Variants in ABHD16A observed in about 807,000 individuals in gnomAD.
ABHD16A encodes phosphatidylserine lipase ABHD16A.
Under a neutral mutation model 89.8 loss-of-function variants are expected in ABHD16A, and 47 were observed. The observed-to-expected ratio is 0.52, with a 90% CI of 0.41 to 0.67. The LOEUF (loss-of-function observed/expected upper bound fraction) is 0.67. Among genes scored for constraint, ABHD16A ranks in the 30% least tolerant of loss-of-function variants. The pLI is 0.00. For synonymous variants in ABHD16A, 251 were observed against 280.4 expected (o/e 0.90, Z 1.05); for missense variants, 580 against 734.6 (o/e 0.79, Z 2.43).
chr6:31,702,126 G>C lies in ABHD16A; in HGVS notation c.137C>G (p.Thr46Arg), dbSNP rs551585963. The change falls in exon 2 of 20, where the codon ACG becomes AGG. Residue 46 changes from threonine (T) to arginine (R), a missense_variant. Physicochemically the swap from Thr to Arg is moderately conservative, Grantham distance 71 (BLOSUM62 -1). Transcript: ENST00000395952. ...CTCCAGGGCACGGGGCTGATAGTAC[G>C]TATCCTGCCAAAACAGATGGCCTCC... ...VTAPHSSSWD[T>R]YYQPRALEKH... is the part of the protein sequence containing the mutation. 5 of 1,613,092 alleles carry C rather than the reference G, an allele frequency of 3.1e-6. No individual in the cohort carries two copies. In the South Asian group the frequency reaches 5.5e-5, roughly 18 times the overall value.
chr6:31,690,321 G>T lies in ABHD16A; in HGVS notation c.908-194C>A. On this transcript the variant is annotated intron_variant, in intron 10 of 19. Coordinates refer to ENST00000395952, the MANE Select transcript of ABHD16A (RefSeq NM_021160.3). The surrounding 1 kb of genome is among the most constrained non-coding windows in gnomAD (Gnocchi z 4.1). Reference sequence around the variant, plus strand: ...TGTGATTGTGTGGGGTGTGTGGTGGGGGAATGGAACAGAATGAAAAGCATA... The same window carrying T: ...TGTGATTGTGTGGGGTGTGTGGTGGTGGAATGGAACAGAATGAAAAGCATA... 1.5e-6 allele frequency: 1 copy of T among 678,838 alleles called. No individual in the cohort carries two copies. The highest frequency in any genetic ancestry group is 1.9e-5 in the South Asian group (1 of 53,116). 42.1% of individuals were successfully genotyped at this position (678,838 alleles called of 1,614,324 possible). A position where few individuals can be genotyped will look rare whatever the true frequency, so the allele number is the denominator to read the frequency against.
chr6:31,699,189 G>A (rs926286698), intron 4 of ABHD16A, among the ~76,000 whole-genome samples: 4 of 151,682 alleles, frequency 2.6e-5, no homozygotes, highest in African/African-American at 9.7e-5. Flanking sequence ...GGTGGATCAC[G>A]AGGTCAGGAG....
At position 31,691,611 on chromosome 6, in the gene ABHD16A, G is replaced by A. The variant is rs761302055; in HGVS notation, c.811C>T (p.Arg271Trp). ...TGTCCCTGGGGCTCAGCTGTCCCCC[G>A]CCGGTCCACAAACATGGTGTCAATC... The part of the protein sequence containing the change: ...NEIDTMFVDR[R>W]GTAEPQGQKL... The change falls in exon 9 of 20, where the codon CGG becomes TGG. Residue 271 changes from arginine (R) to tryptophan (W), a missense_variant. Around this residue, in one of 2 missense-constraint regions of ABHD16A, gnomAD observed 415 missense variants for 568.8 expected, o/e 0.73. Coordinates refer to ENST00000395952, the MANE Select transcript of ABHD16A (RefSeq NM_021160.3). 6.2e-7 allele frequency: 1 copy of A among 1,612,930 alleles called. No individual in the cohort carries two copies. Among genetic ancestry groups the A allele is most frequent in the South Asian group, 1.1e-5 (1 of 91,070 alleles).
chr6:31,696,903 G>C (rs1394664504), intron 5 of ABHD16A, 45 bp downstream of exon 5: 1 of 1,550,840 alleles, frequency 6.4e-7, no homozygotes, highest in African/African-American at 1.4e-5. Context: ...AACTGAGAAA[G>C]CTGCTATTGG....
At chr6:31,702,195 G>T (rs1805082155) in intron 1 of ABHD16A, 65 bp from the exon 2 acceptor site, 1 of 1,511,372 alleles carries the variant, frequency 6.6e-7, no homozygotes, top group Non-Finnish European at 9.2e-7. Context: ...TTCCCTTTCA[G>T]AAGCCCTGCT....
At chr6:31,702,475 C>A (rs978578863) in intron 1 of ABHD16A, 1 of 915,358 alleles carries the variant, frequency 1.1e-6, no homozygotes, top group Non-Finnish European at 1.6e-6. Flanking sequence ...CCTAGACAAT[C>A]TAAGAAGGAA....
In ABHD16A at chr6:31,690,213, C is replaced by A; in HGVS notation, c.908-86G>T. On this transcript the variant is annotated intron_variant, in intron 10 of 19. Transcript: ENST00000395952. This position sits in a 1 kb window ranked among gnomAD's most constrained non-coding sequence, Gnocchi z 4.1. ...GGGGGAAGGAAGAGCAGAAGTACCC[C>A]CCAGCTTAGATGCAAATAACTCCAA... The A allele has an allele frequency of 7.5e-7, 1 of 1,327,130 alleles. No individual in the cohort carries two copies. Among genetic ancestry groups the A allele is most frequent in the East Asian group, 2.4e-5 (1 of 41,830 alleles). 82.2% of individuals were successfully genotyped at this position (1,327,130 alleles called of 1,614,324 possible). A position where few individuals can be genotyped will look rare whatever the true frequency, so the allele number is the denominator to read the frequency against.
At chr6:31,700,440 A>G (rs1319502327) in intron 4 of ABHD16A, among the ~76,000 whole-genome samples, 2 of 152,172 alleles carry the variant, frequency 1.3e-5, no homozygotes, top group East Asian at 3.8e-4. Context: ...AACATATTTT[A>G]TCCATCCTAC....
intron 7 of ABHD16A, chr6:31,692,740 T>TCCCCCCC: frequency 9.3e-6 from 3 of 323,622 alleles, no homozygotes; most frequent in South Asian, 5.2e-5. Context: ...GTGTGTGTCC[T>TCCCCCCC]CCCCACCCCC....
intron 7 of ABHD16A, 70 bp downstream of exon 7, chr6:31,692,957 G>A (rs1207880166): frequency 2.5e-6 from 4 of 1,604,950 alleles, no homozygotes; most frequent in Middle Eastern, 1.7e-4. Flanking sequence ...ACAATGGAGC[G>A]CCCACTCCCA....
Position 31,687,400 on chromosome 6 carries a change from A to G in ABHD16A, c.1593+98T>C. ...CTTCCGCATCCACCACCCACTCTACAAAAGCTGCCACTTCCAATGCTTATA... is the reference window on the plus strand; with the variant it reads ...CTTCCGCATCCACCACCCACTCTACGAAAGCTGCCACTTCCAATGCTTATA... On this transcript the variant is annotated intron_variant, in intron 19 of 19. Transcript: ENST00000395952. The surrounding 1 kb of genome is among the most constrained non-coding windows in gnomAD (Gnocchi z 6.3). 6.2e-7 allele frequency: 1 copy of G among 1,605,778 alleles called. No homozygotes were observed. The highest frequency in any genetic ancestry group is 8.5e-7 in the Non-Finnish European group (1 of 1,173,632).
chr6:31,691,443 T>C, intron 9 of ABHD16A, 136 bp downstream of exon 9: 1 of 720,640 alleles, frequency 1.4e-6, no homozygotes, highest in Non-Finnish European at 2.3e-6. Flanking sequence ...CATCACAAGG[T>C]CTTTAGCGTG....
chr6:31,691,295 T>A (rs566417950), intron 9 of ABHD16A, among the ~76,000 whole-genome samples: 74 of 152,326 alleles, frequency 4.9e-4, no homozygotes, highest in Non-Finnish European at 8.8e-4. Context: ...GAGAATTAAA[T>A]ATATATGCTT....
intron 3 of ABHD16A, 78 bp downstream of exon 3, chr6:31,701,196 C>G (rs1804952880): frequency 6.8e-7 from 1 of 1,468,674 alleles, no homozygotes; most frequent in South Asian, 1.1e-5. Context: ...CACAGGTCCC[C>G]TCTCCTCTTT....
chr6:31,691,114 G>A (rs762382322), intron 9 of ABHD16A, among the ~76,000 whole-genome samples: 5 of 152,048 alleles, frequency 3.3e-5, no homozygotes, highest in Admixed American at 3.3e-4. Context: ...CTGGCTTAGC[G>A]CTCTTTCCAC....
chr6:31,692,807 A>C, intron 7 of ABHD16A: 15 of 318,292 alleles, frequency 4.7e-5, no homozygotes, highest in South Asian at 1.6e-4. Flanking sequence ...TTCATATCCC[A>C]GTTCTTTACT....
At chr6:31,699,408 CAAAAAAAAAAAA>C (rs9281558) in intron 4 of ABHD16A, among the ~76,000 whole-genome samples, 63 of 54,292 alleles carry the variant, frequency 1.2e-3, no homozygotes, top group African/African-American at 3.7e-3. Flanking sequence ...GACTCCGTCT[CAAAAAAAAAAAA>C]AAAAAAAAAG....
chr6:31,694,608 G>A (rs573650380), intron 5 of ABHD16A, among the ~76,000 whole-genome samples: 4 of 152,084 alleles, frequency 2.6e-5, no homozygotes, highest in Admixed American at 6.5e-5. Context: ...AGCCAGGATG[G>A]TCTTGATCTC....
intron 9 of ABHD16A, chr6:31,691,332 A>C: frequency 2.0e-6 from 1 of 505,136 alleles, no homozygotes; most frequent in South Asian, 3.2e-5. Context: ...TTAAATATAT[A>C]TAAGTGTGAA....
Sources: gnomAD v4.1 joint callset for allele counts (sites outside exome capture counted in the v4.1 genomes callset) on GRCh38, gnomAD v4.1.1 for gene constraint, gnomAD v4.1.1 regional missense constraint, Gnocchi (gnomAD v3.1) non-coding constraint, MANE v1.5 for transcripts, NCBI Gene and HGNC (gene_info 2026-07-23, HGNC 2026-07-21) for gene names.